ZBTB1: variants seen among roughly 807,000 people sequenced by gnomAD.
ZBTB1 encodes the protein zinc finger and BTB domain containing 1, also known as zinc finger and BTB domain-containing protein 1.
In ZBTB1, 13 loss-of-function variants were observed where a neutral mutation model predicts 51.6. The ratio of observed to expected loss-of-function variants is 0.25; its 90% CI spans 0.16 to 0.40. The LOEUF is 0.40. Among genes scored for constraint, ZBTB1 ranks in the 10% least tolerant of loss-of-function variants. The pLI is 1.00. For missense variants in ZBTB1, 567 were observed against 856.5 expected, an observed-to-expected ratio of 0.66 and a Z score of 4.22; for synonymous variants, 240 against 282.2, an observed-to-expected ratio of 0.85 and a Z score of 1.50.
In ZBTB1 at chr14:64,522,575, C is replaced by T. The variant is rs779363558; in HGVS notation, c.1071C>T (p.Asp357=). The T allele has an allele frequency of 1.2e-6, 2 of 1,613,710 alleles. No individual in the cohort carries two copies. The highest frequency in any genetic ancestry group is 1.7e-5 in the Admixed American group (1 of 59,966). Residue 357 remains aspartate, a synonymous_variant, in exon 2 of 2, where the codon GAC becomes GAT. Transcript: ENST00000683701. ...ATAAAGACTGTAATGAATCCACTGACAATGATGAATTAGAAGATGAACCTG... is the reference window on the plus strand; with the variant it reads ...ATAAAGACTGTAATGAATCCACTGATAATGATGAATTAGAAGATGAACCTG... ...VTDKDCNEST[D]NDELEDEPEE... is the part of the protein sequence containing the mutation.
chr14:64,505,136 A>C, intron 1 of ZBTB1, 190 bp downstream of exon 1: 1 of 341,552 alleles, frequency 2.9e-6, no homozygotes, highest in South Asian at 1.5e-4. Flanking sequence ...CCGGCGCGTC[A>C]GGTCCCGGGC....
downstream of ZBTB1, among the ~76,000 whole-genome samples, chr14:64,526,508 T>A (rs1365192809): frequency 1.3e-5 from 2 of 152,216 alleles, no homozygotes; most frequent in African/African-American, 2.4e-5. Context: ...AATCAAATTC[T>A]CTTTCTGTCT....
chr14:64,513,303 A>G (rs2079745832), intron 1 of ZBTB1, among the ~76,000 whole-genome samples: 1 of 152,172 alleles, frequency 6.6e-6, no homozygotes, highest in African/African-American at 2.4e-5. Context: ...CTCCCTATAC[A>G]TCTGCCTGGA....
chr14:64,521,426 G>T (rs2079859044), intron 1 of ZBTB1, 61 bp from the exon 2 acceptor site: 1 of 1,369,060 alleles, frequency 7.3e-7, no homozygotes, highest in Admixed American at 2.5e-5. Context: ...CATGATAAAA[G>T]TTAATTTTGT....
At chr14:64,505,041 G>A (rs1466180228) in intron 1 of ZBTB1, 95 bp downstream of exon 1, 1 of 378,314 alleles carries the variant, frequency 2.6e-6, no homozygotes, top group African/African-American at 2.1e-5. Flanking sequence ...GGCCGGAGGG[G>A]CGCCGATCCG....
chr14:64,522,906 C>T lies in ZBTB1; in HGVS notation c.1402C>T (p.Gln468Ter). The change falls in exon 2 of 2, where the codon CAA becomes TAA. Residue 468 changes from glutamine to a stop codon, truncating the protein, a stop_gained. Coordinates refer to ENST00000683701, the MANE Select transcript of ZBTB1 (RefSeq NM_001123329.2). LOFTEE classifies it high-confidence loss of function. ...GGGTAGGCAGCTTCAGGAACATGCT[C>T]AACGATGTGGCGAGCCCCAAGATCT... ...VKGRQLQEHA[Q>*]RCGEPQDLTM... 6.2e-7 allele frequency: 1 copy of T among 1,614,050 alleles called. No homozygotes were observed. The highest frequency in any genetic ancestry group is 8.5e-7 in the Non-Finnish European group (1 of 1,180,010).
At position 64,522,047 on chromosome 14, in the gene ZBTB1, A is replaced by G. The variant is rs1338477281; in HGVS notation, c.543A>G (p.Gln181=). ...HNREADEESL[Q]LGNFPEPLFD... ...GAGAGGCTGATGAAGAGTCTTTACA[A>G]TTAGGTAATTTTCCTGAGCCACTAT... Residue 181 remains glutamine (Q), a synonymous_variant, in exon 2 of 2, where the codon CAA becomes CAG. Transcript: ENST00000683701. 57 of 1,614,094 alleles carry G rather than the reference A, an allele frequency of 3.5e-5. No homozygotes were observed. Among genetic ancestry groups the G allele is most frequent in the Non-Finnish European group, 4.7e-5 (56 of 1,180,040 alleles).
chr14:64,509,925 C>T (rs1003278657), intron 1 of ZBTB1, among the ~76,000 whole-genome samples: 3 of 150,780 alleles, frequency 2.0e-5, no homozygotes, highest in Admixed American at 1.3e-4. Flanking sequence ...TGCAGTGAGC[C>T]GAGATTGTGC....
chr14:64,521,499 C>T lies in ZBTB1; in HGVS notation c.-6C>T. On this transcript the variant is annotated 5_prime_UTR_variant, in exon 2 of 2. Transcript: ENST00000683701. ...TTGTTTTACATAGGTCTCTAATTAA[C>T]AGAAGATGGCAAAGCCCAGCCACAG... 3 of 1,584,160 alleles carry T rather than the reference C, an allele frequency of 1.9e-6. No homozygotes were observed. Among genetic ancestry groups the T allele is most frequent in the Non-Finnish European group, 2.6e-6 (3 of 1,167,618 alleles).
At position 64,524,878 on chromosome 14, in the gene ZBTB1, G is replaced by T; in HGVS notation, c.*1232G>T. 1.0e-6 allele frequency: 1 copy of T among 985,276 alleles called. No individual in the cohort carries two copies. Among genetic ancestry groups the T allele is most frequent in the South Asian group, 4.7e-5 (1 of 21,276 alleles). 61.0% of individuals were successfully genotyped at this position (985,276 alleles called of 1,614,324 possible). ...AGTATTGTTAGTTGTTGCTGACACA[G>T]GGTCTACATAATTACATGTGAATTA... On this transcript the variant is annotated 3_prime_UTR_variant, in exon 2 of 2. Coordinates refer to ENST00000683701, the MANE Select transcript of ZBTB1 (RefSeq NM_001123329.2).
chr14:64,503,883 G>C (rs2079584651), upstream of ZBTB1: 1 of 152,398 alleles, frequency 6.6e-6, no homozygotes, highest in Non-Finnish European at 1.5e-5. Context: ...GTGCGTACGT[G>C]CGCGCCCTCC....
intron 1 of ZBTB1, among the ~76,000 whole-genome samples, chr14:64,520,600 G>T (rs1307488018): frequency 6.6e-6 from 1 of 151,824 alleles, no homozygotes; most frequent in Admixed American, 6.6e-5. Flanking sequence ...ATCATCTATT[G>T]CTCCCCACAC....
At chr14:64,515,520 AT>A (rs5809234) in intron 1 of ZBTB1, among the ~76,000 whole-genome samples, 57,551 of 134,686 alleles carry the variant, frequency 0.43, 11,643 homozygotes, top group East Asian at 0.62. Context: ...ATGCCTCATA[AT>A]TTTTTTTTTT....
intron 1 of ZBTB1, among the ~76,000 whole-genome samples, chr14:64,507,377 GT>G (rs1403957614): frequency 6.6e-6 from 1 of 152,142 alleles, no homozygotes; most frequent in African/African-American, 2.4e-5. Flanking sequence ...AAATGGAAAT[GT>G]TTTTTATTAT....
At chr14:64,530,144 T>C (rs1270041009) in intron 2 of ZBTB1, among the ~76,000 whole-genome samples, 1 of 152,244 alleles carries the variant, frequency 6.6e-6, no homozygotes, top group East Asian at 1.9e-4. Context: ...ATTTCTATAC[T>C]ACTATGTTAA....
Position 64,521,664 on chromosome 14 carries a change from A to G in ZBTB1, c.160A>G (p.Met54Val), listed in dbSNP as rs2079861197. The change falls in exon 2 of 2, where the codon ATG (methionine) becomes GTG (valine). Residue 54 changes from methionine (M) to valine (V), a missense_variant. Around this residue, in one of 5 missense-constraint regions of ZBTB1, gnomAD observed 69 missense variants for 136.4 expected, o/e 0.51. Transcript: ENST00000683701. ...TAGCTCCTATTTTAGAATGTTTTTC[A>G]TGAACCATCAGCATAGTACTGCACA... ...ACSSYFRMFF[M>V]NHQHSTAQLN... is the part of the protein sequence containing the mutation. 6.2e-7 allele frequency: 1 copy of G among 1,614,126 alleles called. No individual in the cohort carries two copies.
chr14:64,522,277 A>G lies in ZBTB1; in HGVS notation c.773A>G (p.Asp258Gly), dbSNP rs759652988. The change falls in exon 2 of 2, where the codon GAT becomes GGT. Residue 258 changes from aspartate (D) to glycine (G), a missense_variant. By Grantham distance (94) the Asp-to-Gly change is moderately conservative (BLOSUM62 -1). Transcript: ENST00000683701. ...TACCATAGAATAGTAGATATTAGAG[A>G]TGGAAAAGACAGTAACATCAAAGCT... ...RSYHRIVDIR[D>G]GKDSNIKAEF... is the part of the protein sequence containing the mutation. The G allele has an allele frequency of 8.1e-6, 13 of 1,614,088 alleles. No individual in the cohort carries two copies. Among genetic ancestry groups the G allele is most frequent in the Admixed American group, 1.7e-5 (1 of 60,004 alleles).
downstream of ZBTB1, among the ~76,000 whole-genome samples, chr14:64,526,124 A>C (rs2079902112): frequency 6.6e-6 from 1 of 151,540 alleles, no homozygotes; most frequent in Non-Finnish European, 1.5e-5. Context: ...GGCCACCTCA[A>C]TTTTTTTTTC....
upstream of ZBTB1, chr14:64,503,734 A>G (rs977786148): frequency 2.9e-5 from 14 of 481,972 alleles, no homozygotes; most frequent in African/African-American, 2.5e-4. Context: ...CACTGCAAGC[A>G]GTGGCGCCGG....
Sources: allele counts gnomAD v4.1 joint callset (sites outside exome capture counted in the v4.1 genomes callset), GRCh38; gene constraint gnomAD v4.1.1; regional missense constraint gnomAD v4.1.1; transcripts MANE v1.5; gene names NCBI Gene and HGNC (gene_info 2026-07-23, HGNC 2026-07-21).